The following CCSER1 variants were observed in gnomAD, a reference collection of about 807,000 sequenced individuals.
CCSER1 encodes the protein coiled-coil serine rich protein 1, also known as serine-rich coiled-coil domain-containing protein 1.
In CCSER1, 41 loss-of-function variants were observed where a neutral mutation model predicts 82.0. That is an observed-to-expected ratio of 0.50 (90% CI 0.39 to 0.65). CCSER1 has a LOEUF of 0.65. CCSER1 is among the 30% of genes least tolerant of loss of function. CCSER1 has a pLI of 0.00. For synonymous variants in CCSER1, 414 were observed against 383.9 expected, an observed-to-expected ratio of 1.08 and a Z score of -0.92; for missense variants, 1,119 against 1,064.2, an observed-to-expected ratio of 1.05 and a Z score of -0.72.
In CCSER1 at chr4:91,510,532, C is replaced by A. The variant is rs181594262; in HGVS notation, c.2218-88040C>A. On this transcript the variant is annotated intron_variant, in intron 10 of 10. Coordinates refer to ENST00000509176, the MANE Select transcript of CCSER1 (RefSeq NM_001145065.2). ...TTTTAATAATAACCATTCTGACTGA[C>A]AAAAGATGGTGTTTTATTGTGGTTT... Among the ~76,000 whole-genome samples, 16 of 152,248 alleles carry A rather than the reference C, an allele frequency of 1.1e-4. No individual in the cohort carries two copies. The East Asian group carries it at 3.1e-3, about 29-fold the overall frequency.
At chr4:90,440,827 TTAAA>T (rs1759769412) in intron 4 of CCSER1, among the ~76,000 whole-genome samples, 1 of 152,212 alleles carries the variant, frequency 6.6e-6, no homozygotes, top group Admixed American at 6.5e-5. Context: ...TCAGAAAGTC[TTAAA>T]TAATCGCTCT....
At chr4:90,411,554 C>T (rs1251785781) in intron 4 of CCSER1, among the ~76,000 whole-genome samples, 4 of 152,152 alleles carry the variant, frequency 2.6e-5, no homozygotes. Flanking sequence ...GCAGAAAAGG[C>T]CTTTGACAAA....
chr4:90,595,249 A>G (rs894222519), intron 5 of CCSER1, among the ~76,000 whole-genome samples: 3 of 152,028 alleles, frequency 2.0e-5, no homozygotes, highest in Non-Finnish European at 2.9e-5. Context: ...ATAGTGGTCT[A>G]TAAGAAAAAG....
At chr4:91,120,958 A>G (rs1034006421) in intron 10 of CCSER1, among the ~76,000 whole-genome samples, 4 of 152,056 alleles carry the variant, frequency 2.6e-5, no homozygotes, top group African/African-American at 7.2e-5. Context: ...CATATTCTAG[A>G]TAAACACCTC....
intron 10 of CCSER1, among the ~76,000 whole-genome samples, chr4:91,383,710 T>G (rs928334872): frequency 2.6e-5 from 4 of 152,146 alleles, no homozygotes; most frequent in Non-Finnish European, 5.9e-5. Context: ...CTAATCCCCA[T>G]TACACTTTAT....
At chr4:90,242,856 A>G (rs1720624087) in intron 1 of CCSER1, among the ~76,000 whole-genome samples, 1 of 152,186 alleles carries the variant, frequency 6.6e-6, no homozygotes, top group South Asian at 2.1e-4. Context: ...CATACAGCCA[A>G]AAGTAATGAA....
intron 9 of CCSER1, among the ~76,000 whole-genome samples, chr4:90,975,347 A>T (rs569429949): frequency 4.6e-5 from 7 of 151,480 alleles, no homozygotes; most frequent in African/African-American, 1.4e-4. Flanking sequence ...ATAATTTGAA[A>T]TTGAGATATA....
chr4:91,308,450 A>C (rs1220279954), intron 10 of CCSER1, among the ~76,000 whole-genome samples: 3 of 152,050 alleles, frequency 2.0e-5, no homozygotes, highest in Non-Finnish European at 4.4e-5. Context: ...ATTTACAAAC[A>C]TTTTTAAGGA....
intron 5 of CCSER1, among the ~76,000 whole-genome samples, chr4:90,518,122 T>C (rs1772537246): frequency 6.6e-6 from 1 of 152,160 alleles, no homozygotes; most frequent in Admixed American, 6.5e-5. Context: ...TTAGTTGGAA[T>C]GATATGGTTT....
At chr4:91,325,110 G>A (rs1212713853) in intron 10 of CCSER1, 2 of 453,578 alleles carry the variant, frequency 4.4e-6, no homozygotes, top group East Asian at 1.4e-4. Context: ...CCAAGAGGGA[G>A]TACCTTATTT....
At chr4:91,528,224 G>C (rs180867554) in intron 10 of CCSER1, among the ~76,000 whole-genome samples, 1 of 152,164 alleles carries the variant, frequency 6.6e-6, no homozygotes, top group East Asian at 1.9e-4. Context: ...CCCAGCCCAA[G>C]TGCTAATATA....
chr4:90,845,359 T>TAA (rs886923723), intron 8 of CCSER1, among the ~76,000 whole-genome samples: 175 of 96,542 alleles, frequency 1.8e-3, no homozygotes, highest in Non-Finnish European at 2.2e-3. Context: ...AGACGCCATC[T>TAA]AAAAAAAAAA....
intron 1 of CCSER1, among the ~76,000 whole-genome samples, chr4:90,154,408 C>A (rs1727602629): frequency 6.6e-6 from 1 of 152,096 alleles, no homozygotes; most frequent in Non-Finnish European, 1.5e-5. Context: ...TTTTTGAATT[C>A]TGTGAAGAAA....
intron 10 of CCSER1, among the ~76,000 whole-genome samples, chr4:91,461,645 G>A (rs1421602414): frequency 3.3e-5 from 5 of 152,030 alleles, no homozygotes; most frequent in African/African-American, 1.2e-4. Context: ...TAGTAAAATG[G>A]CTGTTTTATC....
At chr4:90,718,431 A>G (rs1175044303) in intron 6 of CCSER1, among the ~76,000 whole-genome samples, 1 of 152,134 alleles carries the variant, frequency 6.6e-6, no homozygotes, top group Non-Finnish European at 1.5e-5. Flanking sequence ...GATCTGTACT[A>G]TGGAATTATA....
intron 3 of CCSER1, among the ~76,000 whole-genome samples, chr4:90,344,875 T>C (rs80172116): frequency 0.011 from 1,664 of 152,234 alleles, 30 homozygotes; most frequent in African/African-American, 0.039. Flanking sequence ...TTAAATATGC[T>C]ATTTTTACAG....
intron 10 of CCSER1, among the ~76,000 whole-genome samples, chr4:91,514,016 C>A (rs899234912): frequency 1.3e-5 from 2 of 151,712 alleles, no homozygotes; most frequent in Non-Finnish European, 2.9e-5. Flanking sequence ...TTAGTTTGTT[C>A]TTGTTTTTCC....
chr4:91,381,064 G>T (rs567555337), intron 10 of CCSER1, among the ~76,000 whole-genome samples: 1 of 152,126 alleles, frequency 6.6e-6, no homozygotes, highest in Non-Finnish European at 1.5e-5. Flanking sequence ...TAAGAATGTT[G>T]AATATTGGCC....
chr4:91,312,935 T>A (rs923094232), intron 10 of CCSER1, among the ~76,000 whole-genome samples: 7 of 151,968 alleles, frequency 4.6e-5, no homozygotes, highest in Non-Finnish European at 8.8e-5. Context: ...AGTAAAAATG[T>A]TATAGCATTC....
Sources: allele counts gnomAD v4.1 joint callset (sites outside exome capture counted in the v4.1 genomes callset), GRCh38; gene constraint gnomAD v4.1.1; transcripts MANE v1.5; gene names NCBI Gene and HGNC (gene_info 2026-07-23, HGNC 2026-07-21).